Variants in GAS2L1 observed in about 807,000 individuals in gnomAD.
GAS2L1 encodes growth arrest specific 2 like 1.
A neutral mutation model predicts 44.0 loss-of-function variants in GAS2L1; 26 were observed. The ratio of observed to expected loss-of-function variants is 0.59; its 90% CI spans 0.43 to 0.82. The LOEUF is 0.82. Among genes scored for constraint, GAS2L1 ranks in the 40% least tolerant of loss-of-function variants. GAS2L1 has a pLI of 0.00. For missense variants in GAS2L1, 1,006 were observed against 983.0 expected (o/e 1.02, Z -0.31); for synonymous variants, 426 against 415.9 (o/e 1.02, Z -0.30).
chr22:29,311,665 C>T, exon 5 of GAS2L1: 1 of 1,526,868 alleles, frequency 6.5e-7, no homozygotes, highest in Non-Finnish European at 8.8e-7. Flanking sequence ...CGCAGCCAGT[C>T]CCGAGACCGG....
chr22:29,308,963 G>A (rs1569139381), intron 1 of GAS2L1, among the ~76,000 whole-genome samples: 1 of 152,248 alleles, frequency 6.6e-6, no homozygotes, highest in Non-Finnish European at 1.5e-5. Context: ...AGCCGGGCCT[G>A]GGACAGGATG....
At chr22:29,308,844 C>A in intron 1 of GAS2L1, 106 bp downstream of exon 2, 1 of 908,366 alleles carries the variant, frequency 1.1e-6, no homozygotes. Context: ...GAACAGTCTG[C>A]CCCACAAAAA....
exon 1 of GAS2L1, chr22:29,307,774 A>G (rs2061363219): frequency 4.7e-6 from 1 of 211,698 alleles, no homozygotes; most frequent in Non-Finnish European, 9.3e-6. Flanking sequence ...CCAGCCCTTC[A>G]CAATGGGCGC....
intron 4 of GAS2L1, 192 bp downstream of exon 5, chr22:29,311,190 T>A: frequency 1.6e-6 from 1 of 611,794 alleles, no homozygotes; most frequent in Non-Finnish European, 2.8e-6. Flanking sequence ...GCGGGCCCTG[T>A]GGCTGGGCGG....
chr22:29,311,687 C>A, exon 5 of GAS2L1: 1 of 1,520,014 alleles, frequency 6.6e-7, no homozygotes, highest in Admixed American at 2.0e-5. Flanking sequence ...TGGATCGCGG[C>A]CGGCCCCGGG....
At chr22:29,308,371 C>T (rs199981414) in exon 1 of GAS2L1, 1 of 1,605,830 alleles carries the variant, frequency 6.2e-7, no homozygotes, top group Non-Finnish European at 8.5e-7. Flanking sequence ...GCCTTCCAGG[C>T]GCACAGTGTA....
In GAS2L1 at chr22:29,307,894, C is replaced by T. The variant is rs2061364441; in HGVS notation, c.-212C>T. Reference sequence around the variant, plus strand: ...ATTTATAAAAATTATCCCATAGAGTCCTATGAGGCAGGGAATGTTACTGTA... The same window carrying T: ...ATTTATAAAAATTATCCCATAGAGTTCTATGAGGCAGGGAATGTTACTGTA... On this transcript the variant is annotated 5_prime_UTR_variant, in exon 1 of 5. Transcript: ENST00000618518. 9.6e-6 allele frequency: 4 copies of T among 417,674 alleles called. No individual in the cohort carries two copies. In the East Asian group the frequency reaches 1.4e-4, roughly 15 times the overall value. The allele number at this position is 417,674 out of a possible 1,614,324, so 25.9% of individuals were successfully genotyped here.
chr22:29,311,987 G>C (rs1420556936), exon 5 of GAS2L1: 1 of 1,610,820 alleles, frequency 6.2e-7, no homozygotes, highest in Admixed American at 1.7e-5. Flanking sequence ...TCGACCCGCA[G>C]CAGGAGCAGC....
exon 5 of GAS2L1, chr22:29,312,592 TACCAGACCTCATGGG>T (rs2061423094): frequency 3.3e-6 from 3 of 909,344 alleles, no homozygotes; most frequent in Middle Eastern, 2.2e-4. Flanking sequence ...GCCTCTTGAG[TACCAGACCTCATGGG>T]ACCAGACCCC....
At chr22:29,309,937 A>G (rs6006090) in intron 1 of GAS2L1, among the ~76,000 whole-genome samples, 70,667 of 151,928 alleles carry the variant, frequency 0.47, 16,655 homozygotes, top group Admixed American at 0.53. Flanking sequence ...AGCTCCCTGG[A>G]CCCAGAGAGC....
At chr22:29,308,187 G>A in exon 1 of GAS2L1, 1 of 1,607,820 alleles carries the variant, frequency 6.2e-7, no homozygotes, top group South Asian at 1.1e-5. Context: ...CTACGTGGAG[G>A]CCATGAAGGA....
At chr22:29,309,223 C>T (rs2061380068) in intron 1 of GAS2L1, among the ~76,000 whole-genome samples, 1 of 152,174 alleles carries the variant, frequency 6.6e-6, no homozygotes, top group South Asian at 2.1e-4. Context: ...CCCCAGGGGG[C>T]TCTGCAGGTC....
intron 4 of GAS2L1, 199 bp downstream of exon 5, chr22:29,311,197 G>GCGGCAGC (rs1208260276): frequency 6.6e-6 from 4 of 606,456 alleles, no homozygotes; most frequent in African/African-American, 5.6e-5. Flanking sequence ...CTGTGGCTGG[G>GCGGCAGC]CGGCAGCCAG....
exon 1 of GAS2L1, chr22:29,308,592 G>A (rs1327031438): frequency 6.3e-7 from 1 of 1,599,356 alleles, no homozygotes; most frequent in South Asian, 1.1e-5. Context: ...GTTTGAGCAG[G>A]AGATTGAGCG....
chr22:29,310,452 T>G, exon 2 of GAS2L1: 1 of 1,601,252 alleles, frequency 6.2e-7, no homozygotes, highest in African/African-American at 1.3e-5. Context: ...AGGGAGATTC[T>G]GGGCCGCTGC....
chr22:29,312,111 C>T, exon 5 of GAS2L1: 1 of 1,612,904 alleles, frequency 6.2e-7, no homozygotes, highest in Non-Finnish European at 8.5e-7. Context: ...CCCCGACCCT[C>T]CAGCTCCTGA....
exon 1 of GAS2L1, chr22:29,308,285 G>A (rs2061368657): frequency 1.9e-6 from 3 of 1,607,912 alleles, no homozygotes; most frequent in East Asian, 4.5e-5. Flanking sequence ...CCACGGGCAC[G>A]ACCCTGTGCC....
chr22:29,306,779 G>C (rs2061353394), upstream of GAS2L1: 2 of 152,256 alleles, frequency 1.3e-5, no homozygotes, highest in African/African-American at 4.8e-5. Context: ...GGTTGGACGG[G>C]GCCCCGGGTA....
chr22:29,310,022 G>T (rs1488366022), intron 1 of GAS2L1, among the ~76,000 whole-genome samples: 1 of 152,130 alleles, frequency 6.6e-6, no homozygotes, highest in Non-Finnish European at 1.5e-5. Context: ...AGCAATTTGG[G>T]AGGCCGAGGC....
Sources: gnomAD v4.1 joint callset for allele counts (sites outside exome capture counted in the v4.1 genomes callset) on GRCh38, gnomAD v4.1.1 for gene constraint, MANE v1.5 for transcripts, NCBI Gene and HGNC (gene_info 2026-07-23, HGNC 2026-07-21) for gene names.